REV1: variants seen among roughly 807,000 people sequenced by gnomAD.
The protein encoded by REV1 is translesion synthesis protein REV1.
REV1 carries 42 observed loss-of-function variants against 137.4 expected under a neutral mutation model. The observed-to-expected ratio is 0.31, with a 90% CI of 0.24 to 0.40. The LOEUF (loss-of-function observed/expected upper bound fraction) is 0.40, where lower values mean the gene tolerates loss of function less well. Ranked by LOEUF, REV1 falls within the 10% of genes least tolerant of loss-of-function variation. REV1 has a pLI of 1.00. For synonymous variants in REV1, 524 were observed against 519.2 expected (o/e 1.01, Z -0.12); for missense variants, 1,282 against 1,490.1 (o/e 0.86, Z 2.30).
intron 12 of REV1, among the ~76,000 whole-genome samples, chr2:99,416,285 A>C (rs1186735421): frequency 1.3e-5 from 2 of 152,238 alleles, no homozygotes; most frequent in Admixed American, 1.3e-4. Context: ...TTTCTTTTCT[A>C]AAATAATTCC....
At chr2:99,458,674 C>A (rs928424368) in intron 3 of REV1, among the ~76,000 whole-genome samples, 1 of 152,144 alleles carries the variant, frequency 6.6e-6, no homozygotes, top group East Asian at 1.9e-4. Context: ...CAAACTGGTA[C>A]ATCCACACTA....
chr2:99,449,075 A>C (rs1682596680), intron 4 of REV1, among the ~76,000 whole-genome samples: 1 of 152,060 alleles, frequency 6.6e-6, no homozygotes, highest in Non-Finnish European at 1.5e-5. Flanking sequence ...TGAGTTTGAG[A>C]CCAGTCTCGG....
intron 19 of REV1, 112 bp downstream of exon 19, chr2:99,403,583 G>A: frequency 1.5e-6 from 2 of 1,313,946 alleles, no homozygotes; most frequent in Non-Finnish European, 2.2e-6. Flanking sequence ...AATATGAAGA[G>A]CTCTTAATGC....
chr2:99,426,169 A>T (rs1304887663), intron 9 of REV1, among the ~76,000 whole-genome samples: 1 of 151,198 alleles, frequency 6.6e-6, no homozygotes, highest in Non-Finnish European at 1.5e-5. Flanking sequence ...ACATGGTGAA[A>T]CCCTGTCTCT....
In REV1 at chr2:99,435,848, C is replaced by T. The variant is rs1264096912; in HGVS notation, c.1307G>A (p.Arg436Lys). Residue 436 changes from arginine (R) to lysine (K), a missense_variant, in exon 7 of 23, where the codon AGA becomes AAA. Coordinates refer to ENST00000258428, the MANE Select transcript of REV1 (RefSeq NM_016316.4). ...CFFVSVGIRNRPDLKGKPVAV... is the reference protein window; with the variant it reads ...CFFVSVGIRNKPDLKGKPVAV... The stretch of plus-strand genomic sequence containing the variant: ...AGAATACAGACCTTTGAGATCTGGT[C>T]TATTTCGTATACCCACTGATACAAA... 6.4e-7 allele frequency: 1 copy of T among 1,572,954 alleles called. No homozygotes were observed. Among genetic ancestry groups the T allele is most frequent in the Non-Finnish European group, 8.7e-7 (1 of 1,145,488 alleles).
At chr2:99,409,160 TGA>T (rs1676750945) in intron 14 of REV1, among the ~76,000 whole-genome samples, 1 of 152,216 alleles carries the variant, frequency 6.6e-6, no homozygotes, top group Non-Finnish European at 1.5e-5. Context: ...ATTTACTATT[TGA>T]GATACATGTG....
At chr2:99,486,389 C>T (rs1398127677) in intron 1 of REV1, among the ~76,000 whole-genome samples, 3 of 151,996 alleles carry the variant, frequency 2.0e-5, no homozygotes, top group South Asian at 2.1e-4. Flanking sequence ...ATTAGCCGGG[C>T]GTGGTGGCAG....
chr2:99,474,534 C>A (rs1339558379), intron 1 of REV1, among the ~76,000 whole-genome samples: 1 of 152,122 alleles, frequency 6.6e-6, no homozygotes, highest in Non-Finnish European at 1.5e-5. Flanking sequence ...CATAATAGAG[C>A]CATATATGTA....
chr2:99,432,018 GAA>G, intron 8 of REV1: 1 of 578,018 alleles, frequency 1.7e-6, no homozygotes, highest in Non-Finnish European at 2.2e-6. Flanking sequence ...AATGAAAACT[GAA>G]GTTGTCGATG....
chr2:99,438,304 C>G (rs1407897756), intron 6 of REV1, among the ~76,000 whole-genome samples: 1 of 152,204 alleles, frequency 6.6e-6, no homozygotes, highest in Non-Finnish European at 1.5e-5. Flanking sequence ...TATATTAACA[C>G]AGTTCAAAAC....
chr2:99,409,599 T>C (rs1432079279), intron 14 of REV1, among the ~76,000 whole-genome samples: 1 of 152,158 alleles, frequency 6.6e-6, no homozygotes, highest in Non-Finnish European at 1.5e-5. Flanking sequence ...ATCCCAACAC[T>C]ATGGGAGGCT....
At chr2:99,425,052 T>A (rs1190181887) in intron 9 of REV1, among the ~76,000 whole-genome samples, 1 of 152,034 alleles carries the variant, frequency 6.6e-6, no homozygotes, top group African/African-American at 2.4e-5. Flanking sequence ...AGAAAAAAAA[T>A]TATAGTAAAA....
Position 99,464,825 on chromosome 2 carries a change from T to C in REV1, c.54+97A>G, listed in dbSNP as rs1397284957. 19 of 1,161,722 alleles carry C rather than the reference T, an allele frequency of 1.6e-5. No homozygotes were observed. The Admixed American group carries it at 3.4e-4, about 21-fold the overall frequency. The allele number at this position is 1,161,722 out of a possible 1,614,324, so 72.0% of individuals were successfully genotyped here. Reference sequence around the variant, plus strand: ...CTCAAAGATGTGGTGTCTAAAGTAATTTACAATTTAGAAAACAACTTAAAC... The same window carrying C: ...CTCAAAGATGTGGTGTCTAAAGTAACTTACAATTTAGAAAACAACTTAAAC... On this transcript the variant is annotated intron_variant, in intron 2 of 22. Coordinates refer to ENST00000258428, the MANE Select transcript of REV1 (RefSeq NM_016316.4).
intron 11 of REV1, among the ~76,000 whole-genome samples, chr2:99,419,799 G>A (rs1678421575): frequency 1.3e-5 from 2 of 152,224 alleles, no homozygotes; most frequent in African/African-American, 4.8e-5. Flanking sequence ...GATCTGCAGA[G>A]CTCAGCTGCT....
chr2:99,403,445 G>T, intron 19 of REV1: 1 of 574,594 alleles, frequency 1.7e-6, no homozygotes, highest in Non-Finnish European at 3.1e-6. Flanking sequence ...TAAGACATTT[G>T]TGGTAATGTC....
chr2:99,428,133 C>T (rs1289064407), intron 9 of REV1, among the ~76,000 whole-genome samples: 2 of 152,158 alleles, frequency 1.3e-5, no homozygotes, highest in Non-Finnish European at 2.9e-5. Context: ...AGAGACCCTG[C>T]AGAGGCAGCC....
intron 14 of REV1, among the ~76,000 whole-genome samples, chr2:99,410,212 T>C (rs1030386025): frequency 2.6e-5 from 4 of 152,130 alleles, no homozygotes; most frequent in Non-Finnish European, 4.4e-5. Context: ...AGTTTCACCA[T>C]GTTGGCCAGG....
In REV1 at chr2:99,462,496, C is replaced by G; in HGVS notation, c.181G>C (p.Asp61His). The change falls in exon 3 of 23, where the codon GAT becomes CAT. Residue 61 changes from aspartate (D) to histidine (H), a missense_variant and splice_region_variant. Coordinates refer to ENST00000258428, the MANE Select transcript of REV1 (RefSeq NM_016316.4). ...TAGGGTTAAGTAAAAAGTACTCAAC[C>G]TGTGTATCCATTAACATAGATGGCA... ...GVAIYVNGYT[D>H]PSAEELRKLM... 6.2e-7 allele frequency: 1 copy of G among 1,608,898 alleles called. No individual in the cohort carries two copies.
chr2:99,445,407 T>C (rs1442680306), intron 4 of REV1, among the ~76,000 whole-genome samples: 5 of 152,342 alleles, frequency 3.3e-5, no homozygotes, highest in African/African-American at 1.2e-4. Context: ...AACAGATCTA[T>C]GTGACCATCT....
Sources: gnomAD v4.1 joint callset for allele counts (sites outside exome capture counted in the v4.1 genomes callset) on GRCh38, gnomAD v4.1.1 for gene constraint, MANE v1.5 for transcripts, NCBI Gene and HGNC (gene_info 2026-07-23, HGNC 2026-07-21) for gene names.